The following ANKRD33B variants were observed in gnomAD, a reference collection of about 807,000 sequenced individuals.
ANKRD33B encodes ankyrin repeat domain-containing protein 33B.
In ANKRD33B, 6 loss-of-function variants were observed where a neutral mutation model predicts 21.5. That is an observed-to-expected ratio of 0.28 (90% CI 0.15 to 0.55). The LOEUF (loss-of-function observed/expected upper bound fraction) is 0.55. ANKRD33B is among the 20% of genes least tolerant of loss of function. The pLI is 0.94. For synonymous variants in ANKRD33B, 347 were observed against 342.4 expected (o/e 1.01, Z -0.15); for missense variants, 698 against 747.2 (o/e 0.93, Z 0.77).
chr5:10,640,019 CGGCGATGTT>C (rs1736999809), intron 3 of ANKRD33B, among the ~76,000 whole-genome samples: 2 of 78,810 alleles, frequency 2.5e-5, no homozygotes, highest in East Asian at 3.6e-4. Flanking sequence ...TGGAGTTGCG[CGGCGATGTT>C]AGCGGGTGAC....
chr5:10,570,988 G>A (rs1370088873), intron 1 of ANKRD33B, among the ~76,000 whole-genome samples: 12 of 147,734 alleles, frequency 8.1e-5, no homozygotes, highest in African/African-American at 3.0e-4. Context: ...CTTGGTATAA[G>A]TGTGTTTGTG....
chr5:10,609,109 G>C (rs1456568762), intron 1 of ANKRD33B, among the ~76,000 whole-genome samples: 4 of 152,168 alleles, frequency 2.6e-5, no homozygotes, highest in African/African-American at 9.7e-5. Context: ...TGTAAAATAT[G>C]TACTAGATTC....
intron 3 of ANKRD33B, among the ~76,000 whole-genome samples, chr5:10,647,800 G>A (rs986426308): frequency 6.6e-6 from 1 of 152,176 alleles, no homozygotes; most frequent in Non-Finnish European, 1.5e-5. Context: ...GGAAACCTTG[G>A]TCTTTGCTCT....
intron 1 of ANKRD33B, among the ~76,000 whole-genome samples, chr5:10,598,132 G>C (rs1735854555): frequency 6.6e-6 from 1 of 152,128 alleles, no homozygotes. Context: ...CTCAGTACCT[G>C]GATGTGACCA....
At chr5:10,613,990 C>CGTGTGTGTGTGTGTGTGTGTGTGT (rs59864065) in intron 1 of ANKRD33B, among the ~76,000 whole-genome samples, 3 of 141,290 alleles carry the variant, frequency 2.1e-5, no homozygotes, top group African/African-American at 5.4e-5. Flanking sequence ...CCAGAGAAAT[C>CGTGTGTGTGTGTGTGTGTGTGTGT]GTGTGTGTGT....
chr5:10,598,929 T>G (rs1735874423), intron 1 of ANKRD33B, among the ~76,000 whole-genome samples: 1 of 152,198 alleles, frequency 6.6e-6, no homozygotes, highest in Admixed American at 6.5e-5. Flanking sequence ...ATAATTGACA[T>G]ATGATAAAGT....
chr5:10,622,126 A>G (rs976993740), intron 2 of ANKRD33B, among the ~76,000 whole-genome samples: 10 of 152,274 alleles, frequency 6.6e-5, no homozygotes, highest in Non-Finnish European at 1.5e-4. Flanking sequence ...TTATATCTCT[A>G]CCAGATACAA....
At position 10,564,297 on chromosome 5, in the gene ANKRD33B, G is replaced by A. The variant is rs1460864963; in HGVS notation, c.-171G>A. 3 of 309,522 alleles carry A rather than the reference G, an allele frequency of 9.7e-6. No individual in the cohort carries two copies. Among genetic ancestry groups the A allele is most frequent in the South Asian group, 1.3e-4 (1 of 7,846 alleles). 19.2% of individuals were successfully genotyped at this position (309,522 alleles called of 1,614,324 possible). A position where few individuals can be genotyped will look rare whatever the true frequency, so the allele number is the denominator to read the frequency against. ...CCCAGGGGCTCGCTCAGCCTCCGGA[G>A]ACTTTTTTCTTTGAGCGCAGCCGCC... On this transcript the variant is annotated 5_prime_UTR_variant, in exon 1 of 4. Coordinates refer to ENST00000296657, the MANE Select transcript of ANKRD33B (RefSeq NM_001164440.2).
chr5:10,567,176 G>A (rs1441732446), intron 1 of ANKRD33B, among the ~76,000 whole-genome samples: 2 of 152,294 alleles, frequency 1.3e-5, no homozygotes, highest in African/African-American at 4.8e-5. Flanking sequence ...TGTGCTTTGT[G>A]AGGCCAGTGG....
chr5:10,573,748 TGAGA>T (rs1735254266), intron 1 of ANKRD33B, among the ~76,000 whole-genome samples: 1 of 152,104 alleles, frequency 6.6e-6, no homozygotes, highest in Admixed American at 6.5e-5. Flanking sequence ...TCAGATCTTG[TGAGA>T]ACTCACTATC....
At chr5:10,636,921 C>G (rs779455035) in intron 2 of ANKRD33B, among the ~76,000 whole-genome samples, 1 of 152,224 alleles carries the variant, frequency 6.6e-6, no homozygotes, top group Non-Finnish European at 1.5e-5. Flanking sequence ...TTGTCACAAC[C>G]TATGCGGGAG....
intron 2 of ANKRD33B, among the ~76,000 whole-genome samples, chr5:10,633,345 C>T (rs531870540): frequency 6.6e-5 from 10 of 152,302 alleles, no homozygotes; most frequent in South Asian, 2.1e-4. Context: ...GTGATCCACC[C>T]GCCTCGGCCT....
intron 1 of ANKRD33B, among the ~76,000 whole-genome samples, chr5:10,611,789 A>G (rs1426696312): frequency 6.6e-6 from 1 of 152,240 alleles, no homozygotes; most frequent in Non-Finnish European, 1.5e-5. Flanking sequence ...TAGAAATTGC[A>G]GACAAACCTG....
In ANKRD33B at chr5:10,619,254, G is replaced by A. The variant is rs1161597879; in HGVS notation, c.496+792G>A. The A allele has an allele frequency of 1.0e-6, 1 of 973,564 alleles. No homozygotes were observed. Among genetic ancestry groups the A allele is most frequent in the Non-Finnish European group, 1.2e-6 (1 of 819,310 alleles). 60.3% of individuals were successfully genotyped at this position (973,564 alleles called of 1,614,324 possible). On this transcript the variant is annotated intron_variant, in intron 2 of 3. Transcript: ENST00000296657. The surrounding 1 kb of genome is among the most constrained non-coding windows in gnomAD (Gnocchi z 4.5). ...TCAGTTGCAAGCAAAGAAGCTGCCTGCAGCTGAGCCAGGAAGAACAGGCGC... is the reference window on the plus strand; with the variant it reads ...TCAGTTGCAAGCAAAGAAGCTGCCTACAGCTGAGCCAGGAAGAACAGGCGC...
chr5:10,618,385 T>C lies in ANKRD33B; in HGVS notation c.419T>C (p.Leu140Ser). ...YHGFVDTVVALAECPHVDVNW... is the reference protein window; with the variant it reads ...YHGFVDTVVASAECPHVDVNW... ...GGCTTTGTGGATACCGTGGTGGCCT[T>C]AGCAGAGTGCCCCCACGTTGACGTC... Residue 140 changes from leucine to serine, a missense_variant, in exon 2 of 4, where the codon TTA becomes TCA. By Grantham distance (145) the Leu-to-Ser change is moderately radical. This residue lies in a region of ANKRD33B where 543 missense variants were observed against 566.5 expected (regional missense o/e 0.96). Coordinates refer to ENST00000296657, the MANE Select transcript of ANKRD33B (RefSeq NM_001164440.2). The C allele has an allele frequency of 6.5e-7, 1 of 1,537,776 alleles. No homozygotes were observed. The highest frequency in any genetic ancestry group is 8.7e-7 in the Non-Finnish European group (1 of 1,147,002).
rs143172077 is a variant in ANKRD33B at position 10,648,570 on chromosome 5, A to G, written c.638-696A>G. ...AGGTTGGGAGTTCGAGACTAGCCTG[A>G]CCAACATGGAGAAACCCCCTCTCTA... On this transcript the variant is annotated intron_variant, in intron 3 of 3. Coordinates refer to ENST00000296657, the MANE Select transcript of ANKRD33B (RefSeq NM_001164440.2). 6.2e-3 allele frequency among the ~76,000 whole-genome samples: 927 copies of G among 150,316 alleles called. 11 individuals carry two copies. Among genetic ancestry groups the G allele is most frequent in the East Asian group, 0.037 (186 of 5,004 alleles).
At chr5:10,624,424 C>T (rs749287995) in intron 2 of ANKRD33B, among the ~76,000 whole-genome samples, 1 of 152,134 alleles carries the variant, frequency 6.6e-6, no homozygotes, top group Non-Finnish European at 1.5e-5. Context: ...GCCGCCGGGC[C>T]TGGCCTTTTT....
Position 10,619,224 on chromosome 5 carries a change from A to G in ANKRD33B, c.496+762A>G. 1 of 833,358 alleles carries G rather than the reference A, an allele frequency of 1.2e-6. No homozygotes were observed. The highest frequency in any genetic ancestry group is 1.4e-6 in the Non-Finnish European group (1 of 691,380). 51.6% of individuals were successfully genotyped at this position (833,358 alleles called of 1,614,324 possible). On this transcript the variant is annotated intron_variant, in intron 2 of 3. Coordinates refer to ENST00000296657, the MANE Select transcript of ANKRD33B (RefSeq NM_001164440.2). The surrounding 1 kb of genome is among the most constrained non-coding windows in gnomAD (Gnocchi z 4.5). The stretch of plus-strand genomic sequence containing the variant: ...AAGATTCTGTCTGTTTCATCGGTCA[A>G]GTTCTCAGTTGCAAGCAAAGAAGCT...
At chr5:10,595,020 C>T (rs1349388850) in intron 1 of ANKRD33B, among the ~76,000 whole-genome samples, 1 of 152,088 alleles carries the variant, frequency 6.6e-6, no homozygotes, top group African/African-American at 2.4e-5. Context: ...TGGCAAGTAA[C>T]TCAAGAGCTG....
Sources: allele counts gnomAD v4.1 joint callset (sites outside exome capture counted in the v4.1 genomes callset), GRCh38; gene constraint gnomAD v4.1.1; regional missense constraint gnomAD v4.1.1; non-coding constraint Gnocchi (gnomAD v3.1); transcripts MANE v1.5; gene names NCBI Gene and HGNC (gene_info 2026-07-23, HGNC 2026-07-21).